The following AKAP19 variants were observed in gnomAD, a reference collection of about 807,000 sequenced individuals.
The protein encoded by AKAP19 is A-kinase anchoring protein 19.
chr2:190,017,691 A>G, the AKAP19 span, among the ~76,000 whole-genome samples: 2 of 152,172 alleles, frequency 1.3e-5, no homozygotes, highest in Admixed American at 6.5e-5. Flanking sequence ...TGCTTTACAC[A>G]CCACTATTAC....
the AKAP19 span, among the ~76,000 whole-genome samples, chr2:190,038,884 C>A: frequency 2.7e-5 from 1 of 37,322 alleles, no homozygotes; most frequent in African/African-American, 7.9e-5. Flanking sequence ...CTCCCTCTTT[C>A]TTTCTTTCTT....
At chr2:189,905,632 A>G in the AKAP19 span, among the ~76,000 whole-genome samples, 5 of 151,346 alleles carry the variant, frequency 3.3e-5, no homozygotes, top group Non-Finnish European at 5.9e-5. Flanking sequence ...TCCCCAATCT[A>G]TAGTCAGTTT....
chr2:190,027,029 T>C, the AKAP19 span, among the ~76,000 whole-genome samples: 2 of 152,194 alleles, frequency 1.3e-5, no homozygotes, highest in Admixed American at 6.5e-5. Context: ...TAAACTCCAG[T>C]CTAATCCATG....
At chr2:190,091,508 C>G in the AKAP19 span, among the ~76,000 whole-genome samples, 1 of 134,532 alleles carries the variant, frequency 7.4e-6, no homozygotes, top group Admixed American at 7.6e-5. Flanking sequence ...TAGAAGAGAA[C>G]TTATTTGTAT....
At chr2:189,887,029 T>C in the AKAP19 span, among the ~76,000 whole-genome samples, 1,022 of 152,314 alleles carry the variant, frequency 6.7e-3, 15 homozygotes, top group African/African-American at 0.023. Context: ...CTGGGATACA[T>C]GTGCAGAACA....
At chr2:190,099,287 C>G in the AKAP19 span, among the ~76,000 whole-genome samples, 3 of 152,172 alleles carry the variant, frequency 2.0e-5, no homozygotes, top group African/African-American at 7.2e-5. Context: ...TGTGACTGTT[C>G]CTTTCACTCA....
the AKAP19 span, among the ~76,000 whole-genome samples, chr2:189,933,185 C>T: frequency 3.3e-5 from 5 of 152,164 alleles, no homozygotes; most frequent in Admixed American, 1.3e-4. Flanking sequence ...GCTTGTGAAA[C>T]TAGGTTAACA....
At chr2:189,963,420 C>A in the AKAP19 span, among the ~76,000 whole-genome samples, 4 of 152,134 alleles carry the variant, frequency 2.6e-5, no homozygotes, top group Non-Finnish European at 5.9e-5. Flanking sequence ...TGGTCTCGAT[C>A]TCCTGACCTC....
At chr2:189,965,366 T>C in the AKAP19 span, among the ~76,000 whole-genome samples, 1 of 152,080 alleles carries the variant, frequency 6.6e-6, no homozygotes, top group African/African-American at 2.4e-5. Flanking sequence ...ATTACTAAAA[T>C]GTGATGTACA....
the AKAP19 span, among the ~76,000 whole-genome samples, chr2:190,089,313 G>GTAATT: frequency 6.6e-6 from 1 of 151,008 alleles, no homozygotes; most frequent in Admixed American, 6.6e-5. Context: ...TTGACTCTGG[G>GTAATT]GTCCTTCAGA....
the AKAP19 span, among the ~76,000 whole-genome samples, chr2:189,889,148 G>T: frequency 2.0e-5 from 3 of 152,032 alleles, no homozygotes; most frequent in Non-Finnish European, 2.9e-5. Flanking sequence ...GTATGAAGGG[G>T]TGTTGTATTT....
the AKAP19 span, among the ~76,000 whole-genome samples, chr2:190,084,995 C>G: frequency 6.6e-6 from 1 of 152,186 alleles, no homozygotes; most frequent in South Asian, 2.1e-4. Flanking sequence ...CTTCTACTTT[C>G]TGCCCCTGCT....
chr2:189,907,902 T>A, the AKAP19 span, among the ~76,000 whole-genome samples: 7 of 152,154 alleles, frequency 4.6e-5, no homozygotes, highest in Non-Finnish European at 8.8e-5. Context: ...TGGCATCAGC[T>A]GTAATTTCTC....
chr2:189,932,362 C>T, the AKAP19 span, among the ~76,000 whole-genome samples: 18 of 144,986 alleles, frequency 1.2e-4, no homozygotes, highest in Admixed American at 9.9e-4. Context: ...GAGCCGAGAT[C>T]GCACCATTGC....
chr2:190,092,498 T>C, the AKAP19 span, among the ~76,000 whole-genome samples: 1 of 152,130 alleles, frequency 6.6e-6, no homozygotes, highest in Non-Finnish European at 1.5e-5. Context: ...TAAGTCCCTA[T>C]CAAATGTTTC....
chr2:189,889,359 C>T, the AKAP19 span, among the ~76,000 whole-genome samples: 1 of 152,164 alleles, frequency 6.6e-6, no homozygotes, highest in African/African-American at 2.4e-5. Flanking sequence ...AGGATTTTCG[C>T]ATTGATGTTC....
At chr2:190,043,187 G>A in the AKAP19 span, among the ~76,000 whole-genome samples, 2 of 152,086 alleles carry the variant, frequency 1.3e-5, no homozygotes, top group East Asian at 3.9e-4. Flanking sequence ...TGATCTTCTT[G>A]TGTAGTATCC....
At chr2:190,027,170 G>A in the AKAP19 span, among the ~76,000 whole-genome samples, 1 of 152,136 alleles carries the variant, frequency 6.6e-6, no homozygotes, top group Non-Finnish European at 1.5e-5. Context: ...TGTTAAAAGA[G>A]TAATATTTCT....
chr2:190,169,834 T>TA, the AKAP19 span, among the ~76,000 whole-genome samples: 25 of 152,350 alleles, frequency 1.6e-4, no homozygotes, highest in African/African-American at 6.0e-4. Flanking sequence ...TGGCAAGACT[T>TA]ATCAGATGTG....
Sources: allele counts gnomAD v4.1 joint callset (sites outside exome capture counted in the v4.1 genomes callset), GRCh38; gene constraint gnomAD v4.1.1; transcripts MANE v1.5; gene names NCBI Gene and HGNC (gene_info 2026-07-23, HGNC 2026-07-21).